The following CELF2 variants were observed in gnomAD, a reference collection of about 807,000 sequenced individuals.
CELF2 encodes the protein CUGBP Elav-like family member 2.
Under a neutral mutation model 62.6 loss-of-function variants are expected in CELF2, and 8 were observed. That is an observed-to-expected ratio of 0.13 (90% confidence interval 0.07 to 0.23). The LOEUF (loss-of-function observed/expected upper bound fraction) is 0.23, where lower values mean the gene tolerates loss of function less well. CELF2 is among the 10% of genes least tolerant of loss of function. The pLI is 1.00. For missense variants in CELF2, 333 were observed against 671.0 expected (o/e 0.50, Z 5.56); for synonymous variants, 258 against 250.0 (o/e 1.03, Z -0.30).
intron 1 of CELF2, among the ~76,000 whole-genome samples, chr10:11,086,393 G>C (rs2046735589): frequency 6.6e-6 from 1 of 151,950 alleles, no homozygotes; most frequent in East Asian, 1.9e-4. Flanking sequence ...CAGAGGGTGT[G>C]AGCTGCACGC....
rs1389482703 is a variant in CELF2 at position 11,296,921 on chromosome 10, CT to C, written c.976+8373del. The stretch of plus-strand genomic sequence containing the variant: ...AATCAGCAAATGGAAGTTCATCTCA[CT>C]TTTCACAAGCATGGACATATGGAAA... On this transcript the variant is annotated intron_variant, in intron 9 of 12. Transcript: ENST00000633077. The surrounding 1 kb of genome is among the most constrained non-coding windows in gnomAD (Gnocchi z 5.0). Among the ~76,000 whole-genome samples the C allele has an allele frequency of 6.6e-6, 1 of 152,184 alleles. No homozygotes were observed. The highest frequency in any genetic ancestry group is 1.9e-4 in the East Asian group (1 of 5,206).
At chr10:10,905,720 A>G (rs2063283923) in intron 1 of CELF2, among the ~76,000 whole-genome samples, 1 of 152,096 alleles carries the variant, frequency 6.6e-6, no homozygotes, top group South Asian at 2.1e-4. Flanking sequence ...TACTAAAAAT[A>G]CAAAAAAATT....
intron 8 of CELF2, among the ~76,000 whole-genome samples, chr10:11,276,231 G>C (rs190839698): frequency 7.8e-4 from 119 of 152,096 alleles, no homozygotes; most frequent in African/African-American, 2.7e-3. Context: ...CGGCAGCCCC[G>C]CCGTTGTGGC....
chr10:11,013,747 T>C (rs2056835984), upstream of CELF2, among the ~76,000 whole-genome samples: 1 of 152,214 alleles, frequency 6.6e-6, no homozygotes, highest in Non-Finnish European at 1.5e-5. The surrounding 1 kb of genome is among the most constrained non-coding windows in gnomAD (Gnocchi z 4.1). Context: ...GTTCCAGAAG[T>C]TATCAAGATG....
intron 1 of CELF2, among the ~76,000 whole-genome samples, chr10:10,813,828 G>C (rs1334468935): frequency 6.6e-6 from 1 of 152,188 alleles, no homozygotes; most frequent in African/African-American, 2.4e-5. Context: ...TTGAGTTTTA[G>C]AACCTTTGAG....
intron 1 of CELF2, among the ~76,000 whole-genome samples, chr10:11,095,946 A>G (rs1302266195): frequency 6.6e-6 from 1 of 152,232 alleles, no homozygotes; most frequent in Non-Finnish European, 1.5e-5. Context: ...TTACAGTGTA[A>G]CATTTTGCCA....
the CELF2 span, among the ~76,000 whole-genome samples, chr10:10,660,325 G>T: frequency 2.3e-4 from 35 of 152,300 alleles, no homozygotes; most frequent in East Asian, 6.2e-3. Flanking sequence ...GCTCAAAAAG[G>T]ATAAGAAAAT....
chr10:10,641,215 CAAACCA>C, the CELF2 span, among the ~76,000 whole-genome samples: 1 of 152,150 alleles, frequency 6.6e-6, no homozygotes, highest in African/African-American at 2.4e-5. Context: ...CATGTACAGG[CAAACCA>C]AGGTTTACAT....
intron 1 of CELF2, among the ~76,000 whole-genome samples, chr10:10,800,252 T>C (rs904338061): frequency 6.6e-6 from 1 of 152,260 alleles, no homozygotes; most frequent in Admixed American, 6.5e-5. Context: ...TGCTATTTTA[T>C]AATCTGCTGT....
At position 10,865,428 on chromosome 10, in the gene CELF2, TAA is replaced by T. The variant is rs534482925; in HGVS notation, c.54-54532_54-54531del. 2.6e-5 allele frequency among the ~76,000 whole-genome samples: 4 copies of T among 152,348 alleles called. No homozygotes were observed. The South Asian group carries it at 8.3e-4, about 32-fold the overall frequency. ...AATATATGAATTTGCTCCTGTTTAA[TAA>T]AAAGAGACCAAGCTAATATGCTTCT... On this transcript the variant is annotated intron_variant, in intron 1 of 13. Coordinates refer to the CELF2 transcript ENST00000636488.
the CELF2 span, among the ~76,000 whole-genome samples, chr10:10,625,913 C>CTT: frequency 7.5e-5 from 11 of 145,756 alleles, no homozygotes; most frequent in Admixed American, 3.4e-4. Flanking sequence ...TCATGTGATT[C>CTT]TTTTTTTTTT....
intron 4 of CELF2, 140 bp downstream of exon 4, chr10:11,249,341 G>C (rs374984668): frequency 1.0e-5 from 7 of 679,474 alleles, no homozygotes; most frequent in African/African-American, 9.0e-5. Context: ...CTTCTCTGTG[G>C]CCTGTGTGTC....
At position 11,224,213 on chromosome 10, in the gene CELF2, A is replaced by G. The variant is rs1022123416; in HGVS notation, c.354+6706A>G. 6.6e-6 allele frequency among the ~76,000 whole-genome samples: 1 copy of G among 152,216 alleles called. No individual in the cohort carries two copies. Among genetic ancestry groups the G allele is most frequent in the African/African-American group, 2.4e-5 (1 of 41,456 alleles). The stretch of plus-strand genomic sequence containing the variant: ...CAATGTTTAGTTTTGCAAACAACGT[A>G]GTCTCAGCTATATCCCTAATTAATA... On this transcript the variant is annotated intron_variant, in intron 3 of 12. Coordinates refer to ENST00000633077, the MANE Select transcript of CELF2 (RefSeq NM_001326342.2). This position sits in a 1 kb window ranked among gnomAD's most constrained non-coding sequence, Gnocchi z 4.5.
chr10:11,259,048 A>T (rs1222349340), intron 5 of CELF2, among the ~76,000 whole-genome samples: 2 of 152,206 alleles, frequency 1.3e-5, no homozygotes, highest in Non-Finnish European at 2.9e-5. Flanking sequence ...TCATTCTCTT[A>T]TTACTGCAGT....
the CELF2 span, among the ~76,000 whole-genome samples, chr10:10,555,852 C>CG: frequency 6.6e-6 from 1 of 152,160 alleles, no homozygotes; most frequent in Admixed American, 6.6e-5. Flanking sequence ...AGAGCCTCTT[C>CG]GGGCTCTTCA....
rs1315731425 is a variant in CELF2 at position 11,242,104 on chromosome 10, T to G, written c.355-7049T>G. On this transcript the variant is annotated intron_variant, in intron 3 of 12. Coordinates refer to ENST00000633077, the MANE Select transcript of CELF2 (RefSeq NM_001326342.2). The surrounding 1 kb of genome is among the most constrained non-coding windows in gnomAD (Gnocchi z 4.8). ...AATTCACTTCTTTCCATCCCCTCTC[T>G]CTACTTTTAAATATTTTATGGGCAG... 6.6e-6 allele frequency among the ~76,000 whole-genome samples: 1 copy of G among 152,170 alleles called. No individual in the cohort carries two copies. The highest frequency in any genetic ancestry group is 2.4e-5 in the African/African-American group (1 of 41,428).
the CELF2 span, among the ~76,000 whole-genome samples, chr10:10,562,202 C>G: frequency 6.6e-6 from 1 of 152,188 alleles, no homozygotes; most frequent in African/African-American, 2.4e-5. Context: ...CACACACACC[C>G]TCTGGCAACA....
rs114129470 is a variant in CELF2, at chr10:11,192,548, C to T, written c.272-24877C>T. Reference sequence around the variant, plus strand: ...TTCCTGGGAAGTCAGGCACCCTGCTCCTTCACCTCCCCATAACAGCTGTCC... The same window carrying T: ...TTCCTGGGAAGTCAGGCACCCTGCTTCTTCACCTCCCCATAACAGCTGTCC... On this transcript the variant is annotated intron_variant, in intron 2 of 12. Transcript: ENST00000633077. 4.9e-3 allele frequency among the ~76,000 whole-genome samples: 751 copies of T among 152,356 alleles called. 6 individuals carry two copies. The highest frequency in any genetic ancestry group is 0.014 in the Middle Eastern group (4 of 294).
the CELF2 span, among the ~76,000 whole-genome samples, chr10:10,761,719 G>A: frequency 3.9e-5 from 6 of 152,260 alleles, no homozygotes; most frequent in East Asian, 1.9e-4. Context: ...AAACTGAAAC[G>A]TTAGCTCTGG....
Sources: allele counts gnomAD v4.1 joint callset (sites outside exome capture counted in the v4.1 genomes callset), GRCh38; gene constraint gnomAD v4.1.1; non-coding constraint Gnocchi (gnomAD v3.1); transcripts MANE v1.5; gene names NCBI Gene and HGNC (gene_info 2026-07-23, HGNC 2026-07-21).